The following ST18 variants were observed in gnomAD, a reference collection of about 807,000 sequenced individuals.
The protein encoded by ST18 is suppression of tumorigenicity 18 protein.
A neutral mutation model predicts 110.0 loss-of-function variants in ST18; 50 were observed. The ratio of observed to expected loss-of-function variants is 0.45; its 90% confidence interval spans 0.36 to 0.58. The LOEUF (loss-of-function observed/expected upper bound fraction) is 0.58. ST18 is among the 20% of genes least tolerant of loss of function. The pLI is 0.00. For missense variants in ST18, 1,306 were observed against 1,280.1 expected (o/e 1.02, Z -0.31); for synonymous variants, 461 against 452.4 (o/e 1.02, Z -0.24).
At chr8:52,148,430 T>C (rs902580128) in intron 16 of ST18, among the ~76,000 whole-genome samples, 5 of 152,016 alleles carry the variant, frequency 3.3e-5, no homozygotes, top group African/African-American at 1.2e-4. Context: ...CTCCCAGGGG[T>C]CCACACCCAG....
At position 52,369,745 on chromosome 8, in the gene ST18, T is replaced by A. The variant is rs1421515435; in HGVS notation, c.-465+39583A>T. On this transcript the variant is annotated intron_variant, in intron 2 of 25. Coordinates refer to ENST00000689386, the MANE Select transcript of ST18 (RefSeq NM_001352837.2). ...AACATAAACGTATTGATTCCAGTCA[T>A]ACAACATGAATTGAACTAGATATTA... Among the ~76,000 whole-genome samples, 3 of 152,188 alleles carry A rather than the reference T, an allele frequency of 2.0e-5. 1 individual carries two copies. Among genetic ancestry groups the A allele is most frequent in the Admixed American group, 1.3e-4 (2 of 15,284 alleles).
At chr8:52,119,074 TA>T (rs2043643496) in intron 23 of ST18, among the ~76,000 whole-genome samples, 1 of 152,122 alleles carries the variant, frequency 6.6e-6, no homozygotes, top group South Asian at 2.1e-4. Context: ...AAATGTAATT[TA>T]GGGGGAAGGA....
intron 2 of ST18, among the ~76,000 whole-genome samples, chr8:52,308,973 T>C (rs138385510): frequency 1.1e-4 from 17 of 152,224 alleles, no homozygotes; most frequent in African/African-American, 3.9e-4. Context: ...GTGTTAAACA[T>C]TAGCTAAGTG....
chr8:52,235,882 A>G (rs1412012686), intron 2 of ST18, among the ~76,000 whole-genome samples: 13 of 152,208 alleles, frequency 8.5e-5, no homozygotes, highest in Admixed American at 8.5e-4. Context: ...GATCAATCAT[A>G]TGCTACAATT....
intron 7 of ST18, among the ~76,000 whole-genome samples, chr8:52,212,550 C>T (rs2082581158): frequency 6.6e-6 from 1 of 152,168 alleles, no homozygotes; most frequent in Non-Finnish European, 1.5e-5. Flanking sequence ...TACTCATAAA[C>T]TTCCTCCATA....
intron 2 of ST18, chr8:52,403,678 C>G (rs1026625494): frequency 8.5e-5 from 13 of 152,324 alleles, no homozygotes; most frequent in Non-Finnish European, 1.8e-4. Flanking sequence ...CCGCACTCTT[C>G]TTCAGCCACT....
chr8:52,222,451 C>T (rs1018513366), intron 3 of ST18, among the ~76,000 whole-genome samples: 3 of 152,234 alleles, frequency 2.0e-5, no homozygotes, highest in Non-Finnish European at 2.9e-5. Context: ...ACCCCATCTG[C>T]CGTGGCTCCC....
intron 3 of ST18, among the ~76,000 whole-genome samples, chr8:52,223,604 G>C (rs1471829288): frequency 1.3e-5 from 2 of 150,328 alleles, no homozygotes; most frequent in Admixed American, 1.3e-4. Flanking sequence ...AGATCACACT[G>C]CTACACTCCA....
At chr8:52,378,098 T>G (rs1169259695) in intron 2 of ST18, among the ~76,000 whole-genome samples, 1 of 152,074 alleles carries the variant, frequency 6.6e-6, no homozygotes, top group Non-Finnish European at 1.5e-5. Context: ...ATGGTGATTA[T>G]CAGAGACAGG....
intron 8 of ST18, among the ~76,000 whole-genome samples, chr8:52,183,163 G>A (rs2070567124): frequency 6.6e-6 from 1 of 152,176 alleles, no homozygotes; most frequent in South Asian, 2.1e-4. Context: ...CAGTTGGTTA[G>A]AGTAGAACCT....
At chr8:52,370,404 G>A (rs1222406727) in intron 2 of ST18, among the ~76,000 whole-genome samples, 3 of 145,982 alleles carry the variant, frequency 2.1e-5, no homozygotes, top group Non-Finnish European at 4.4e-5. Flanking sequence ...GTGTGTGCAT[G>A]CGTGTGACTG....
At chr8:52,326,859 G>A (rs1301864844) in intron 2 of ST18, among the ~76,000 whole-genome samples, 1 of 152,146 alleles carries the variant, frequency 6.6e-6, no homozygotes, top group African/African-American at 2.4e-5. Flanking sequence ...CTTCTCACAG[G>A]AGTGAGGAAA....
intron 2 of ST18, among the ~76,000 whole-genome samples, chr8:52,356,913 T>C (rs75047426): frequency 0.03 from 4,552 of 152,232 alleles, 102 homozygotes; most frequent in Admixed American, 0.062. Flanking sequence ...GATTTCAATA[T>C]AAGTCTTCTG....
Position 52,298,993 on chromosome 8 carries a change from T to C in ST18, c.-464-68916A>G, listed in dbSNP as rs551027603. On this transcript the variant is annotated intron_variant, in intron 2 of 25. Coordinates refer to ENST00000689386, the MANE Select transcript of ST18 (RefSeq NM_001352837.2). ...TTGTATTACTGCGTGTAGATTTCTT[T>C]GTATTTTAATTGGCTTTGGAATTGT... Among the ~76,000 whole-genome samples, 10 of 152,300 alleles carry C rather than the reference T, an allele frequency of 6.6e-5. No homozygotes were observed. In the South Asian group the frequency reaches 1.2e-3, roughly 19 times the overall value.
chr8:52,284,172 T>C (rs558820261), intron 2 of ST18, among the ~76,000 whole-genome samples: 9 of 152,332 alleles, frequency 5.9e-5, no homozygotes, highest in Non-Finnish European at 1.2e-4. Flanking sequence ...AGGCTGATTA[T>C]GGAATTCTGG....
rs541086325 is a variant in ST18 at position 52,214,231 on chromosome 8, C to A, written c.27G>T (p.Thr9=). The change falls in exon 7 of 26, where the codon ACG becomes ACT. Residue 9 remains threonine, a synonymous_variant. Coordinates refer to ENST00000689386, the MANE Select transcript of ST18 (RefSeq NM_001352837.2). Reference sequence around the variant, plus strand: ...CGGTTCCTTTAGAGCGAGTACGCAGCGTTTTATCTTCAGCCTCTGCATCCA... The same window carrying A: ...CGGTTCCTTTAGAGCGAGTACGCAGAGTTTTATCTTCAGCCTCTGCATCCA... The part of the protein sequence containing the change: MDAEAEDK[T]LRTRSKGTEV... 2 of 1,614,052 alleles carry A rather than the reference C, an allele frequency of 1.2e-6. No individual in the cohort carries two copies. Among genetic ancestry groups the A allele is most frequent in the African/African-American group, 1.3e-5 (1 of 75,038 alleles).
intron 2 of ST18, among the ~76,000 whole-genome samples, chr8:52,297,813 C>T (rs1180416064): frequency 6.6e-6 from 1 of 152,156 alleles, no homozygotes; most frequent in African/African-American, 2.4e-5. Flanking sequence ...GACACTTTTT[C>T]TAAATGTCTA....
intron 2 of ST18, among the ~76,000 whole-genome samples, chr8:52,288,599 C>G (rs1386171326): frequency 6.6e-6 from 1 of 150,906 alleles, no homozygotes; most frequent in African/African-American, 2.4e-5. Context: ...ACTTGGGAGG[C>G]TGGAGAATTG....
intron 2 of ST18, among the ~76,000 whole-genome samples, chr8:52,249,074 G>A (rs2094083893): frequency 6.6e-6 from 1 of 152,064 alleles, no homozygotes; most frequent in Admixed American, 6.6e-5. Context: ...GGTAGTTATT[G>A]GCAAAAGCAC....
Sources: allele counts gnomAD v4.1 joint callset (sites outside exome capture counted in the v4.1 genomes callset), GRCh38; gene constraint gnomAD v4.1.1; transcripts MANE v1.5; gene names NCBI Gene and HGNC (gene_info 2026-07-23, HGNC 2026-07-21).